ZCCHC4: variants seen among roughly 807,000 people sequenced by gnomAD.
ZCCHC4 encodes the protein rRNA N(6)-adenosine-methyltransferase ZCCHC4.
Under a neutral mutation model 67.7 loss-of-function variants are expected in ZCCHC4, and 54 were observed. The ratio of observed to expected loss-of-function variants is 0.80; its 90% CI spans 0.64 to 1.00. ZCCHC4 has a LOEUF of 1.00. ZCCHC4 is among the 50% of genes least tolerant of loss of function. The probability of loss-of-function intolerance (pLI) is 0.00; values close to 1 mark genes in which losing one functional copy is unlikely to be tolerated. For missense variants in ZCCHC4, 609 were observed against 617.0 expected (o/e 0.99, Z 0.14); for synonymous variants, 198 against 213.5 (o/e 0.93, Z 0.63).
intron 12 of ZCCHC4, chr4:25,365,622 T>C (rs1720912383): frequency 1.0e-6 from 1 of 985,984 alleles, no homozygotes; most frequent in South Asian, 4.7e-5. Context: ...TTTCTTTGTA[T>C]CAAATTTTAA....
At chr4:25,344,878 C>T (rs940029679) in intron 5 of ZCCHC4, among the ~76,000 whole-genome samples, 5 of 151,346 alleles carry the variant, frequency 3.3e-5, no homozygotes, top group African/African-American at 1.2e-4. Flanking sequence ...TCTTGGCTCA[C>T]TGCATCCTCC....
intron 12 of ZCCHC4, 110 bp from the exon 13 acceptor site, chr4:25,368,919 C>A (rs927615363): frequency 1.8e-5 from 23 of 1,298,480 alleles, no homozygotes; most frequent in Non-Finnish European, 2.3e-5. Context: ...ACAGTAGATT[C>A]TTTCCCTTCT....
chr4:25,322,487 T>G lies in ZCCHC4; in HGVS notation c.329+7087T>G, dbSNP rs138043649. On this transcript the variant is annotated intron_variant, in intron 3 of 12. Transcript: ENST00000302874. ...CTTTTTTTAATTAATAAAAGACTTC[T>G]GTTTAAAAACCACTGAATTGTACAC... 7.9e-5 allele frequency among the ~76,000 whole-genome samples: 12 copies of G among 152,300 alleles called. No individual in the cohort carries two copies. In the East Asian group the frequency reaches 2.1e-3, roughly 27 times the overall value.
At position 25,369,587 on chromosome 4, in the gene ZCCHC4, C is replaced by T. The variant is rs1721069615; in HGVS notation, c.*423C>T. On this transcript the variant is annotated 3_prime_UTR_variant, in exon 13 of 13. Transcript: ENST00000302874. The stretch of plus-strand genomic sequence containing the variant: ...TAGCTGGAATTATAGGCACATGCCA[C>T]CACGACTGGCTAATTTTTGTATTTT... 6.3e-6 allele frequency: 1 copy of T among 159,992 alleles called. No homozygotes were observed. The highest frequency in any genetic ancestry group is 1.8e-4 in the South Asian group (1 of 5,570). The allele number at this position is 159,992 out of a possible 1,614,324, so 9.9% of individuals were successfully genotyped here.
chr4:25,361,063 C>T (rs1720714769), intron 8 of ZCCHC4, among the ~76,000 whole-genome samples: 1 of 152,180 alleles, frequency 6.6e-6, no homozygotes, highest in Non-Finnish European at 1.5e-5. Flanking sequence ...TGGTCACCAG[C>T]CCCTGGGGGC....
chr4:25,323,906 C>CCCTA (rs1718713441), intron 3 of ZCCHC4, among the ~76,000 whole-genome samples: 2 of 151,968 alleles, frequency 1.3e-5, no homozygotes, highest in Admixed American at 1.3e-4. Context: ...ATCCCTGCAC[C>CCCTA]CCTAGGGTCC....
chr4:25,354,513 G>C (rs1720435553), intron 8 of ZCCHC4, among the ~76,000 whole-genome samples: 2 of 152,190 alleles, frequency 1.3e-5, no homozygotes, highest in Non-Finnish European at 2.9e-5. Context: ...TCATGTTGGA[G>C]AAACTGTGCC....
At chr4:25,313,908 A>T (rs563321483) in intron 1 of ZCCHC4, 138 bp from the exon 2 acceptor site, 3 of 612,482 alleles carry the variant, frequency 4.9e-6, no homozygotes, top group Non-Finnish European at 8.6e-6. Flanking sequence ...AAAACAACCA[A>T]CCAAAGAGAT....
chr4:25,313,949 CT>C, intron 1 of ZCCHC4, 96 bp from the exon 2 acceptor site: 1 of 737,116 alleles, frequency 1.4e-6, no homozygotes, highest in Non-Finnish European at 2.3e-6. Flanking sequence ...GTGCCTAAAG[CT>C]CAAACAAATT....
In ZCCHC4 at chr4:25,370,380, C is replaced by G. The variant is rs1490247953; in HGVS notation, c.*1216C>G. ...GTTTTGTGATTAAATTAAATGAGACCCAAGTGCTTGGCTCTCAGTTCTCCT... is the reference window on the plus strand; with the variant it reads ...GTTTTGTGATTAAATTAAATGAGACGCAAGTGCTTGGCTCTCAGTTCTCCT... On this transcript the variant is annotated 3_prime_UTR_variant, in exon 13 of 13. Transcript: ENST00000302874. The G allele has an allele frequency of 1.3e-5, 2 of 151,940 alleles. No individual in the cohort carries two copies. The highest frequency in any genetic ancestry group is 2.9e-5 in the Non-Finnish European group (2 of 68,010). 9.4% of individuals were successfully genotyped at this position (151,940 alleles called of 1,614,324 possible). A position where few individuals can be genotyped will look rare whatever the true frequency, so the allele number is the denominator to read the frequency against.
At chr4:25,362,043 C>T (rs1444928110) in intron 9 of ZCCHC4, 63 bp downstream of exon 9, 2 of 1,552,064 alleles carry the variant, frequency 1.3e-6, no homozygotes, top group Non-Finnish European at 1.8e-6. Context: ...ATATATCCAT[C>T]AGTCAAATGC....
chr4:25,368,477 A>G (rs1217985379), intron 12 of ZCCHC4, among the ~76,000 whole-genome samples: 3 of 152,220 alleles, frequency 2.0e-5, no homozygotes, highest in South Asian at 4.1e-4. Flanking sequence ...CTTCAAGATA[A>G]GGACCACAAA....
Position 25,361,971 on chromosome 4 carries a change from A to G in ZCCHC4, c.1124A>G (p.Glu375Gly). 1 of 1,614,016 alleles carries G rather than the reference A, an allele frequency of 6.2e-7. No homozygotes were observed. The highest frequency in any genetic ancestry group is 1.1e-5 in the South Asian group (1 of 91,020). ...PPNKIILPTE[E>G]GYRFCSPCQR... ...AACAAAATAATCCTTCCTACTGAAG[A>G]AGGGTACAGGTAAGATCACAGTGGA... Residue 375 changes from glutamate (E) to glycine (G), a missense_variant, in exon 9 of 13, where the codon GAA becomes GGA. Coordinates refer to ENST00000302874, the MANE Select transcript of ZCCHC4 (RefSeq NM_024936.3).
At chr4:25,314,015 CTTT>C in intron 1 of ZCCHC4, 28 bp from the exon 2 acceptor site, 151 of 1,021,178 alleles carry the variant, frequency 1.5e-4, no homozygotes, top group Middle Eastern at 4.4e-4. Context: ...TTACTTGACA[CTTT>C]TTTTTTTTTT....
intron 6 of ZCCHC4, among the ~76,000 whole-genome samples, chr4:25,346,772 G>C (rs1464656937): frequency 6.6e-6 from 1 of 152,222 alleles, no homozygotes; most frequent in African/African-American, 2.4e-5. Context: ...AAGCGTTTAT[G>C]TGGTTGCTAA....
rs77085826 is a variant in ZCCHC4 at position 25,315,861 on chromosome 4, C to T, written c.329+461C>T. Among the ~76,000 whole-genome samples the T allele has an allele frequency of 2.0e-4, 31 of 152,060 alleles. No homozygotes were observed. In the East Asian group the frequency reaches 5.6e-3, roughly 27 times the overall value. On this transcript the variant is annotated intron_variant, in intron 3 of 12. Coordinates refer to ENST00000302874, the MANE Select transcript of ZCCHC4 (RefSeq NM_024936.3). ...ATGAGTAGCTGGGACTTCAGGCACA[C>T]GCCACCACACCCAGCTAATTTATTA...
At chr4:25,319,389 A>G (rs76923689) in intron 3 of ZCCHC4, among the ~76,000 whole-genome samples, 4 of 146,800 alleles carry the variant, frequency 2.7e-5, no homozygotes, top group Non-Finnish European at 4.5e-5. Context: ...CGTCTCAAAG[A>G]AAAAAAAAAA....
intron 5 of ZCCHC4, among the ~76,000 whole-genome samples, chr4:25,342,556 C>A (rs1255785178): frequency 1.3e-5 from 2 of 152,134 alleles, no homozygotes; most frequent in Admixed American, 6.5e-5. Context: ...TTCTTAGGTT[C>A]ATTTCATGAA....
chr4:25,320,487 AC>A (rs1718525792), intron 3 of ZCCHC4, among the ~76,000 whole-genome samples: 1 of 152,246 alleles, frequency 6.6e-6, no homozygotes, highest in African/African-American at 2.4e-5. Flanking sequence ...AATAAAAATG[AC>A]ATTTCAAAAT....
Sources: allele counts gnomAD v4.1 joint callset (sites outside exome capture counted in the v4.1 genomes callset), GRCh38; gene constraint gnomAD v4.1.1; transcripts MANE v1.5; gene names NCBI Gene and HGNC (gene_info 2026-07-23, HGNC 2026-07-21).